LIG4: variants seen among roughly 807,000 people sequenced by gnomAD.
LIG4 encodes DNA ligase 4.
In LIG4, 13 loss-of-function variants were observed where a neutral mutation model predicts 19.0. That is an observed-to-expected ratio of 0.68 (90% CI 0.44 to 1.09). The LOEUF (loss-of-function observed/expected upper bound fraction) is 1.09. LIG4 is among the 50% of genes least tolerant of loss of function. The pLI is 0.00. For synonymous variants in LIG4, 361 were observed against 358.2 expected, an observed-to-expected ratio of 1.01 and a Z score of -0.09; for missense variants, 1,026 against 1,089.7, an observed-to-expected ratio of 0.94 and a Z score of 0.82.
At position 108,208,792 on chromosome 13, in the gene LIG4, A is replaced by G; in HGVS notation, c.2477T>C (p.Ile826Thr). 6.2e-7 allele frequency: 1 copy of G among 1,614,198 alleles called. No individual in the cohort carries two copies. The highest frequency in any genetic ancestry group is 8.5e-7 in the Non-Finnish European group (1 of 1,180,024). The change falls in exon 3 of 3, where the codon ATT (isoleucine) becomes ACT (threonine). Residue 826 changes from isoleucine to threonine, a missense_variant. By Grantham distance (89) the Ile-to-Thr change is moderately conservative (BLOSUM62 -1). Transcript: ENST00000442234. ...CTCATTTTTGGTACTCAGGTCATTAATAACAGCATACGAGTCCAAATAAAC... is the reference window on the plus strand; with the variant it reads ...CTCATTTTTGGTACTCAGGTCATTAGTAACAGCATACGAGTCCAAATAAAC... ...HTVYLDSYAV[I>T]NDLSTKNEGT...
Position 108,210,310 on chromosome 13 carries a change from T to C in LIG4, c.959A>G (p.Lys320Arg), listed in dbSNP as rs757762017. The C allele has an allele frequency of 4.3e-6, 7 of 1,613,942 alleles. No homozygotes were observed. The Admixed American group carries it at 1.2e-4, about 27-fold the overall frequency. The change falls in exon 3 of 3, where the codon AAA (lysine) becomes AGA (arginine). Residue 320 changes from lysine to arginine, a missense_variant. Lys to Arg is a conservative substitution (Grantham distance 26, BLOSUM62 2). Coordinates refer to ENST00000442234, the MANE Select transcript of LIG4 (RefSeq NM_206937.2). ...AAGAATACAGATTTGTATATCTGCTTTGAATGCATTATGAATGAATGGGGT... is the reference window on the plus strand; with the variant it reads ...AAGAATACAGATTTGTATATCTGCTCTGAATGCATTATGAATGAATGGGGT... ...SLTPFIHNAFKADIQICILDG... is the reference protein window; with the variant it reads ...SLTPFIHNAFRADIQICILDG...
chr13:108,212,578 C>T (rs897341005), intron 2 of LIG4, among the ~76,000 whole-genome samples: 3 of 152,036 alleles, frequency 2.0e-5, no homozygotes, highest in Non-Finnish European at 1.5e-5. Context: ...TCCTGGCACA[C>T]CACCATGTAT....
At position 108,215,476 on chromosome 13, in the gene LIG4, C is replaced by A; in HGVS notation, c.-102+8G>T. The A allele has an allele frequency of 9.4e-6, 1 of 106,526 alleles. No homozygotes were observed. The highest frequency in any genetic ancestry group is 4.2e-4 in the South Asian group (1 of 2,396). The allele number at this position is 106,526 out of a possible 1,614,324, so 6.6% of individuals were successfully genotyped here. A position where few individuals can be genotyped will look rare whatever the true frequency, so the allele number is the denominator to read the frequency against. ...CCGCCCCCACCTGCCACCCCACACC[C>A]TTCCCACCTGACGTCAAGCCTGAAG... On this transcript the variant is annotated splice_region_variant and intron_variant, in intron 1 of 2. Coordinates refer to ENST00000442234, the MANE Select transcript of LIG4 (RefSeq NM_206937.2).
intron 2 of LIG4, among the ~76,000 whole-genome samples, chr13:108,212,115 T>C (rs1878724107): frequency 1.3e-5 from 2 of 151,446 alleles, no homozygotes; most frequent in Admixed American, 1.3e-4. Flanking sequence ...ATATGAGATG[T>C]GCTACATACA....
Position 108,207,796 on chromosome 13 carries a change from T to G in LIG4, c.*737A>C, listed in dbSNP as rs1878076033. 1 of 152,242 alleles carries G rather than the reference T, an allele frequency of 6.6e-6. No homozygotes were observed. The highest frequency in any genetic ancestry group is 2.1e-4 in the South Asian group (1 of 4,836). 9.4% of individuals were successfully genotyped at this position (152,242 alleles called of 1,614,324 possible). A position where few individuals can be genotyped will look rare whatever the true frequency, so the allele number is the denominator to read the frequency against. On this transcript the variant is annotated 3_prime_UTR_variant, in exon 3 of 3. Coordinates refer to ENST00000442234, the MANE Select transcript of LIG4 (RefSeq NM_206937.2). ...TCTTTTTTGTGAATACTATTTATAC[T>G]GGAATGCAAATTCACATAAAAATAC...
Position 108,211,297 on chromosome 13 carries a change from C to G in LIG4, c.-28-1G>C. The G allele has an allele frequency of 6.7e-7, 1 of 1,490,488 alleles. No homozygotes were observed. Among genetic ancestry groups the G allele is most frequent in the South Asian group, 1.1e-5 (1 of 88,490 alleles). The allele number at this position is 1,490,488 out of a possible 1,614,324, so 92.3% of individuals were successfully genotyped here. The stretch of plus-strand genomic sequence containing the variant: ...AGCGGTGATGAATCTTCTCGTTTAA[C>G]TAGTAAAGCAAAAAGAGAATAACTT... On this transcript the variant is annotated splice_acceptor_variant, in intron 2 of 2. Transcript: ENST00000442234. LOFTEE classifies it low-confidence loss of function (5UTR_SPLICE).
upstream of LIG4, among the ~76,000 whole-genome samples, chr13:108,216,084 C>T (rs1262497592): frequency 6.6e-6 from 1 of 152,008 alleles, no homozygotes; most frequent in East Asian, 1.9e-4. Flanking sequence ...TAAACCGTTG[C>T]ATGACCAGAA....
Position 108,208,375 on chromosome 13 carries a change from C to G in LIG4, c.*158G>C. ...TGGCTTTGGGCTATTGTCTTTTCAACCTTAAAAGTTAAAATTATTGTTTTC... is the reference window on the plus strand; with the variant it reads ...TGGCTTTGGGCTATTGTCTTTTCAAGCTTAAAAGTTAAAATTATTGTTTTC... On this transcript the variant is annotated 3_prime_UTR_variant, in exon 3 of 3. Transcript: ENST00000442234. 1.7e-6 allele frequency: 1 copy of G among 596,410 alleles called. No homozygotes were observed. The highest frequency in any genetic ancestry group is 2.9e-6 in the Non-Finnish European group (1 of 343,004). 36.9% of individuals were successfully genotyped at this position (596,410 alleles called of 1,614,324 possible).
intron 2 of LIG4, among the ~76,000 whole-genome samples, chr13:108,212,192 AG>A (rs973727834): frequency 4.0e-5 from 6 of 150,616 alleles, no homozygotes; most frequent in African/African-American, 9.9e-5. Flanking sequence ...AAAAAAAAAA[AG>A]AAAAAAAAGA....
Position 108,209,325 on chromosome 13 carries a change from G to A in LIG4, c.1944C>T (p.Asn648=), listed in dbSNP as rs749081909. ...TAGAAATTTTGTTAACGTTAGTAAG[G>A]TTAGGTGCTTTTAAGTGCTCAATAA... The part of the protein sequence containing the change: ...IGIIEHLKAP[N]LTNVNKISNI... Residue 648 remains asparagine (N), a synonymous_variant, in exon 3 of 3, where the codon AAC becomes AAT. Transcript: ENST00000442234. 1.2e-6 allele frequency: 2 copies of A among 1,613,976 alleles called. No homozygotes were observed. The highest frequency in any genetic ancestry group is 1.7e-6 in the Non-Finnish European group (2 of 1,179,936).
rs1406229393 is a variant in LIG4 at position 108,211,032 on chromosome 13, T to C, written c.237A>G (p.Arg79=). The change falls in exon 3 of 3, where the codon AGA becomes AGG. Residue 79 remains arginine (R), a synonymous_variant. Transcript: ENST00000442234. ...TAGTTTCTTTAATTCCATAGGCCAT[T>C]CTCTCTCTTTCTAGCTGAGGAAGAA... ...RLILPQLERE[R]MAYGIKETML... is the part of the protein sequence containing the mutation. The C allele has an allele frequency of 1.9e-6, 3 of 1,601,596 alleles. No homozygotes were observed. In the South Asian group the frequency reaches 3.4e-5, roughly 18 times the overall value.
rs1459998530 is a variant in LIG4, at chr13:108,215,466, A to G, written c.-102+18T>C. The G allele has an allele frequency of 9.1e-5, 3 of 32,910 alleles. No homozygotes were observed. The highest frequency in any genetic ancestry group is 1.3e-3 in the South Asian group (1 of 766). The allele number at this position is 32,910 out of a possible 1,614,324, so 2.0% of individuals were successfully genotyped here. ...AACCTCCCAACCGCCCCCACCTGCC[A>G]CCCCACACCCTTCCCACCTGACGTC... On this transcript the variant is annotated intron_variant, in intron 1 of 2. Coordinates refer to ENST00000442234, the MANE Select transcript of LIG4 (RefSeq NM_206937.2).
rs748824222 is a variant in LIG4 at position 108,209,862 on chromosome 13, T to C, written c.1407A>G (p.Gly469=). The C allele has an allele frequency of 5.0e-6, 8 of 1,613,952 alleles. No individual in the cohort carries two copies. The Admixed American group carries it at 1.0e-4, about 20-fold the overall frequency. Residue 469 remains glycine (G), a synonymous_variant, in exon 3 of 3, where the codon GGA becomes GGG. Transcript: ENST00000442234. ...MDELDILIVG[G]YWGKGSRGGM... ...CACCCCGTGATCCTTTACCCCAATA[T>C]CCTCCAACAATTAAAATGTCCAATT...
intron 2 of LIG4, among the ~76,000 whole-genome samples, chr13:108,213,150 A>G (rs1024639341): frequency 6.6e-6 from 1 of 152,142 alleles, no homozygotes; most frequent in African/African-American, 2.4e-5. Context: ...TTATCTTTGA[A>G]TATACTGTTG....
chr13:108,216,530 A>T (rs36219965), upstream of LIG4, among the ~76,000 whole-genome samples: 3 of 152,214 alleles, frequency 2.0e-5, no homozygotes, highest in Non-Finnish European at 4.4e-5. Context: ...GCCCAAGAAC[A>T]TTCAGTTATT....
rs957413601 is a variant in LIG4 at position 108,208,953 on chromosome 13, G to C, written c.2316C>G (p.Asn772Lys). 1.2e-6 allele frequency: 2 copies of C among 1,614,006 alleles called. No individual in the cohort carries two copies. The highest frequency in any genetic ancestry group is 1.7e-6 in the Non-Finnish European group (2 of 1,180,018). Residue 772 changes from asparagine (N) to lysine (K), a missense_variant, in exon 3 of 3, where the codon AAC (asparagine) becomes AAG (lysine). Coordinates refer to ENST00000442234, the MANE Select transcript of LIG4 (RefSeq NM_206937.2). The stretch of plus-strand genomic sequence containing the variant: ...TTCCTGAGAATACTTCCTTCAGTTG[G>C]TTCAAGTCTGTATCAATGAAATAAC... ...GDSYFIDTDLNQLKEVFSGIK... is the reference protein window; with the variant it reads ...GDSYFIDTDLKQLKEVFSGIK...
At position 108,208,653 on chromosome 13, in the gene LIG4, A is replaced by C; in HGVS notation, c.2616T>G (p.Val872=). The C allele has an allele frequency of 6.2e-7, 1 of 1,614,090 alleles. No individual in the cohort carries two copies. The highest frequency in any genetic ancestry group is 8.5e-7 in the Non-Finnish European group (1 of 1,179,954). The change falls in exon 3 of 3, where the codon GTT becomes GTG. Residue 872 remains valine (V), a synonymous_variant. Transcript: ENST00000442234. The stretch of plus-strand genomic sequence containing the variant: ...TTCTTCTAAAAGCTTTAAAATCTGC[A>C]ACACGACTATGATCTTCCCCAATTA... ...HVIIGEDHSR[V]ADFKAFRRTF...
Position 108,208,248 on chromosome 13 carries a change from T to C in LIG4, c.*285A>G, listed in dbSNP as rs748776641. 1.2e-4 allele frequency: 31 copies of C among 250,494 alleles called. No homozygotes were observed. Among genetic ancestry groups the C allele is most frequent in the Non-Finnish European group, 1.5e-4 (19 of 130,752 alleles). The allele number at this position is 250,494 out of a possible 1,614,324, so 15.5% of individuals were successfully genotyped here. A position where few individuals can be genotyped will look rare whatever the true frequency, so the allele number is the denominator to read the frequency against. ...TTAGTATCTAAGTAAAAATTCTAGA[T>C]TTCTATATGGATATTATAAAAACAC... On this transcript the variant is annotated 3_prime_UTR_variant, in exon 3 of 3. Coordinates refer to ENST00000442234, the MANE Select transcript of LIG4 (RefSeq NM_206937.2).
chr13:108,207,667 A>G lies in LIG4; in HGVS notation c.*866T>C, dbSNP rs2138961967. On this transcript the variant is annotated 3_prime_UTR_variant, in exon 3 of 3. Coordinates refer to ENST00000442234, the MANE Select transcript of LIG4 (RefSeq NM_206937.2). ...TATACTATATACATTGACTTTAAAT[A>G]ATCTAACTATGTCATTTTTAAAAGT... 6.6e-6 allele frequency: 1 copy of G among 151,474 alleles called. No individual in the cohort carries two copies. The highest frequency in any genetic ancestry group is 2.5e-5 in the African/African-American group (1 of 40,798). 9.4% of individuals were successfully genotyped at this position (151,474 alleles called of 1,614,324 possible). A position where few individuals can be genotyped will look rare whatever the true frequency, so the allele number is the denominator to read the frequency against.
Sources: allele counts gnomAD v4.1 joint callset (sites outside exome capture counted in the v4.1 genomes callset), GRCh38; gene constraint gnomAD v4.1.1; transcripts MANE v1.5; gene names NCBI Gene and HGNC (gene_info 2026-07-23, HGNC 2026-07-21).